WWOX: variants seen among roughly 807,000 people sequenced by gnomAD.
WWOX encodes the protein WW domain-containing oxidoreductase.
In WWOX, 69 loss-of-function variants were observed where a neutral mutation model predicts 46.2. The ratio of observed to expected loss-of-function variants is 1.49; its 90% CI spans 1.23 to 1.82. The LOEUF (loss-of-function observed/expected upper bound fraction) is 1.82. WWOX is among the 40% of genes most tolerant of loss of function. The pLI is 0.00. For synonymous variants in WWOX, 359 were observed against 202.6 expected (o/e 1.77, Z -6.56); for missense variants, 919 against 542.6 (o/e 1.69, Z -6.89).
chr16:78,258,387 G>A (rs1217581812), intron 5 of WWOX, among the ~76,000 whole-genome samples: 1 of 151,924 alleles, frequency 6.6e-6, no homozygotes, highest in Non-Finnish European at 1.5e-5. Context: ...GTTCTTTTTT[G>A]GTATTAACAT....
At position 78,279,119 on chromosome 16, in the gene WWOX, CT is replaced by C. The variant is rs1222321815; in HGVS notation, c.517-107736del. Among the ~76,000 whole-genome samples the C allele has an allele frequency of 6.6e-5, 10 of 152,118 alleles. No homozygotes were observed. The East Asian group carries it at 1.9e-3, about 29-fold the overall frequency. On this transcript the variant is annotated intron_variant, in intron 5 of 8. Coordinates refer to ENST00000566780, the MANE Select transcript of WWOX (RefSeq NM_016373.4). ...TGGCTATTCAGATGAAAAATACCTTCTTTTTGAATAAGTAGAAAAACCATGG... is the reference window on the plus strand; with the variant it reads ...TGGCTATTCAGATGAAAAATACCTTCTTTTGAATAAGTAGAAAAACCATGG...
chr16:78,156,823 C>T (rs1042891973), intron 4 of WWOX, among the ~76,000 whole-genome samples: 8 of 152,140 alleles, frequency 5.3e-5, no homozygotes, highest in African/African-American at 1.7e-4. Flanking sequence ...GCTGGGGAGA[C>T]TGAGACACGA....
At chr16:78,605,673 C>T (rs530430353) in intron 8 of WWOX, among the ~76,000 whole-genome samples, 37 of 152,298 alleles carry the variant, frequency 2.4e-4, no homozygotes, top group African/African-American at 6.3e-4. Flanking sequence ...CTCCGCCTCT[C>T]GTGCTTGGAG....
At chr16:79,108,394 T>C (rs2049351275) in intron 8 of WWOX, among the ~76,000 whole-genome samples, 1 of 152,226 alleles carries the variant, frequency 6.6e-6, no homozygotes, top group Non-Finnish European at 1.5e-5. Flanking sequence ...TTCTGGTGTC[T>C]ACCTGACCAC....
intron 8 of WWOX, among the ~76,000 whole-genome samples, chr16:78,991,493 C>T (rs1306048644): frequency 2.0e-5 from 3 of 150,326 alleles, no homozygotes; most frequent in African/African-American, 7.3e-5. Context: ...CCCAGCTACT[C>T]AGGAGGCTGA....
rs956728880 is a variant in WWOX at position 79,124,798 on chromosome 16, A to G, written c.1057-86810A>G. 2.0e-5 allele frequency among the ~76,000 whole-genome samples: 3 copies of G among 152,236 alleles called. No individual in the cohort carries two copies. The East Asian group carries it at 5.8e-4, about 29-fold the overall frequency. On this transcript the variant is annotated intron_variant, in intron 8 of 8. Transcript: ENST00000566780. ...AGTGTGCAATTTTGCAAGCTTTATAAAAGTATAAACCAATGAGTCTGGACT... is the reference window on the plus strand; with the variant it reads ...AGTGTGCAATTTTGCAAGCTTTATAGAAGTATAAACCAATGAGTCTGGACT...
chr16:78,833,101 G>T (rs962715964), intron 8 of WWOX, among the ~76,000 whole-genome samples: 5 of 151,092 alleles, frequency 3.3e-5, no homozygotes, highest in Admixed American at 1.3e-4. Context: ...CAGTGCAGTG[G>T]TACAATCAGA....
At chr16:78,819,476 C>G (rs2051433868) in intron 8 of WWOX, among the ~76,000 whole-genome samples, 1 of 152,182 alleles carries the variant, frequency 6.6e-6, no homozygotes, top group Admixed American at 6.5e-5. Context: ...CACCCTTTTT[C>G]TAGAAATTTC....
Position 78,702,100 on chromosome 16 carries a change from T to TTATATATATATATA in WWOX, c.1056+269358_1056+269371dup, listed in dbSNP as rs72067397. 3.9e-3 allele frequency among the ~76,000 whole-genome samples: 313 copies of TTATATATATATATA among 81,210 alleles called. 6 individuals carry two copies. The highest frequency in any genetic ancestry group is 0.02 in the African/African-American group (285 of 14,598). The allele number at this position is 81,210 out of a possible 152,430, so 53.3% of individuals were successfully genotyped here. On this transcript the variant is annotated intron_variant, in intron 8 of 8. Coordinates refer to ENST00000566780, the MANE Select transcript of WWOX (RefSeq NM_016373.4). ...AAGTTTTATATTTATATCTATAAAG[T>TTATATATATATATA]TATATATATATATATATATATATTT...
intron 7 of WWOX, among the ~76,000 whole-genome samples, chr16:78,426,767 G>T (rs185845771): frequency 1.2e-4 from 19 of 152,250 alleles, no homozygotes; most frequent in Admixed American, 1.2e-3. Flanking sequence ...AGGGTTAAGC[G>T]ATTCTCCTGC....
intron 8 of WWOX, among the ~76,000 whole-genome samples, chr16:78,472,025 A>G (rs2084235196): frequency 6.6e-6 from 1 of 152,110 alleles, no homozygotes; most frequent in South Asian, 2.1e-4. Flanking sequence ...CATTCCTTTG[A>G]TTATTCTGGT....
intron 8 of WWOX, among the ~76,000 whole-genome samples, chr16:78,864,383 T>G (rs933942790): frequency 1.2e-4 from 18 of 151,864 alleles, no homozygotes; most frequent in African/African-American, 3.9e-4. Flanking sequence ...TCCTCCCACC[T>G]CAGCCTCCTG....
chr16:79,155,706 A>G (rs1411134561), intron 8 of WWOX, among the ~76,000 whole-genome samples: 2 of 152,150 alleles, frequency 1.3e-5, no homozygotes, highest in African/African-American at 4.8e-5. Context: ...AGGGGCCTCA[A>G]TTCTACATTC....
rs1316667781 is a variant in WWOX, at chr16:78,340,474, G to C, written c.517-46386G>C. 5.0e-5 allele frequency among the ~76,000 whole-genome samples: 6 copies of C among 120,664 alleles called. 1 individual carries two copies. The highest frequency in any genetic ancestry group is 1.7e-4 in the African/African-American group (6 of 35,628). 79.2% of individuals were successfully genotyped at this position (120,664 alleles called of 152,430 possible). A position where few individuals can be genotyped will look rare whatever the true frequency, so the allele number is the denominator to read the frequency against. On this transcript the variant is annotated intron_variant, in intron 5 of 8. Coordinates refer to ENST00000566780, the MANE Select transcript of WWOX (RefSeq NM_016373.4). Reference sequence around the variant, plus strand: ...TCTGCCCATCTCAGCCTCCCAATGTGCTAGGATTACAGGCATGAACCACCA... The same window carrying C: ...TCTGCCCATCTCAGCCTCCCAATGTCCTAGGATTACAGGCATGAACCACCA...
chr16:78,934,316 C>T (rs1372179730), intron 8 of WWOX, among the ~76,000 whole-genome samples: 3 of 122,548 alleles, frequency 2.4e-5, no homozygotes, highest in South Asian at 2.5e-4. Flanking sequence ...CTAGCCTGGG[C>T]GACAGAGCAA....
At chr16:78,159,202 T>C (rs892126965) in intron 4 of WWOX, among the ~76,000 whole-genome samples, 1 of 152,082 alleles carries the variant, frequency 6.6e-6, no homozygotes, top group Non-Finnish European at 1.5e-5. Context: ...TATCCATTCA[T>C]TCATCAGTAG....
intron 5 of WWOX, among the ~76,000 whole-genome samples, chr16:78,217,479 C>G (rs1410021552): frequency 6.6e-6 from 1 of 152,128 alleles, no homozygotes; most frequent in African/African-American, 2.4e-5. Flanking sequence ...GGTGAACTGC[C>G]TAAGATGGAA....
At chr16:78,540,166 A>C (rs1426979622) in intron 8 of WWOX, among the ~76,000 whole-genome samples, 1 of 151,890 alleles carries the variant, frequency 6.6e-6, no homozygotes, top group Non-Finnish European at 1.5e-5. Flanking sequence ...TCATATATTT[A>C]GGTATAGTTA....
chr16:78,193,850 T>A (rs1369652669), intron 5 of WWOX, among the ~76,000 whole-genome samples: 1 of 150,324 alleles, frequency 6.7e-6, no homozygotes, highest in East Asian at 1.9e-4. Flanking sequence ...TTCAATTTTT[T>A]ATTTTTATTA....
Sources: gnomAD v4.1 joint callset for allele counts (sites outside exome capture counted in the v4.1 genomes callset) on GRCh38, gnomAD v4.1.1 for gene constraint, MANE v1.5 for transcripts, NCBI Gene and HGNC (gene_info 2026-07-23, HGNC 2026-07-21) for gene names.